Variants in MPP7 observed in about 807,000 individuals in gnomAD.
MPP7 encodes the protein MAGUK p55 scaffold protein 7, also known as MAGUK p55 subfamily member 7.
A neutral mutation model predicts 76.5 loss-of-function variants in MPP7; 60 were observed. The ratio of observed to expected loss-of-function variants is 0.78; its 90% confidence interval spans 0.64 to 0.97. The LOEUF (loss-of-function observed/expected upper bound fraction) is 0.97, where lower values mean the gene tolerates loss of function less well. MPP7 is among the 50% of genes least tolerant of loss of function. The pLI, the probability that MPP7 is intolerant of heterozygous loss-of-function variation, is 0.00. For missense variants in MPP7, 641 were observed against 694.0 expected (o/e 0.92, Z 0.86); for synonymous variants, 237 against 244.5 (o/e 0.97, Z 0.29).
Position 28,120,216 on chromosome 10 carries a change from G to C in MPP7, c.865C>G (p.Pro289Ala). ...CACCTTTCCTGGAAATGCTTTGAGG[G>C]GATCAAGCCTGCCCTGGGGTTGGCA... ...ADANPRAGLI[P>A]SKHFQERRLA... The change falls in exon 10 of 17, where the codon CCC (proline) becomes GCC (alanine). Residue 289 changes from proline (P) to alanine (A), a missense_variant. Coordinates refer to ENST00000683449, the MANE Select transcript of MPP7 (RefSeq NM_001318170.2). 1 of 1,613,830 alleles carries C rather than the reference G, an allele frequency of 6.2e-7. No individual in the cohort carries two copies. The highest frequency in any genetic ancestry group is 8.5e-7 in the Non-Finnish European group (1 of 1,179,864).
chr10:28,107,642 G>C (rs753341887), intron 11 of MPP7, among the ~76,000 whole-genome samples: 1 of 152,114 alleles, frequency 6.6e-6, no homozygotes, highest in African/African-American at 2.4e-5. Flanking sequence ...TTCTTTTGCT[G>C]TTCTCTGGAA....
intron 5 of MPP7, among the ~76,000 whole-genome samples, chr10:28,139,555 T>C (rs1375096697): frequency 2.0e-5 from 3 of 152,090 alleles, no homozygotes; most frequent in Admixed American, 2.0e-4. Context: ...AAACATCTGT[T>C]AAAGGTCCAG....
chr10:28,189,595 A>AAAAC (rs1837346212), intron 3 of MPP7, among the ~76,000 whole-genome samples: 1 of 132,332 alleles, frequency 7.6e-6, no homozygotes, highest in African/African-American at 3.0e-5. Flanking sequence ...AAAAAAAAAA[A>AAAAC]AAAACCTGTA....
At chr10:28,299,097 T>C (rs1040062095) in intron 1 of MPP7, among the ~76,000 whole-genome samples, 6 of 152,208 alleles carry the variant, frequency 3.9e-5, no homozygotes, top group African/African-American at 1.4e-4. Context: ...CATTTGGACG[T>C]TCAGCAGAGT....
intron 11 of MPP7, among the ~76,000 whole-genome samples, chr10:28,109,559 G>C (rs574220879): frequency 3.2e-4 from 49 of 152,028 alleles, no homozygotes; most frequent in African/African-American, 1.2e-3. Flanking sequence ...AAGCACACTA[G>C]GAAACCCTTT....
intron 1 of MPP7, among the ~76,000 whole-genome samples, chr10:28,267,561 G>C (rs1840185946): frequency 6.6e-6 from 1 of 152,106 alleles, no homozygotes; most frequent in South Asian, 2.1e-4. Context: ...GGTCACTAGA[G>C]CATTACAGAT....
At chr10:28,071,678 G>A (rs1377498618) in intron 12 of MPP7, among the ~76,000 whole-genome samples, 1 of 152,166 alleles carries the variant, frequency 6.6e-6, no homozygotes, top group South Asian at 2.1e-4. Flanking sequence ...AAAGCAATAT[G>A]TATTTCAATA....
At chr10:28,093,443 C>CT (rs1294264349) in intron 11 of MPP7, among the ~76,000 whole-genome samples, 7,978 of 138,542 alleles carry the variant, frequency 0.058, 255 homozygotes, top group Middle Eastern at 0.11. Context: ...TTTTACTTTC[C>CT]TTTTTTTTTT....
intron 13 of MPP7, among the ~76,000 whole-genome samples, chr10:28,063,969 G>A (rs1851894820): frequency 6.6e-6 from 1 of 152,188 alleles, no homozygotes. Context: ...GAAGCACCTG[G>A]AGCTCACATA....
At chr10:28,259,910 G>GAAGTC (rs1346012568) in intron 1 of MPP7, among the ~76,000 whole-genome samples, 1 of 151,838 alleles carries the variant, frequency 6.6e-6, no homozygotes, top group Non-Finnish European at 1.5e-5. Context: ...CTGAGTCCAG[G>GAAGTC]AAGTCAAGGC....
intron 13 of MPP7, among the ~76,000 whole-genome samples, chr10:28,062,906 G>A (rs1396508888): frequency 1.3e-5 from 2 of 152,076 alleles, no homozygotes; most frequent in Admixed American, 1.3e-4. Context: ...GAAGAAAACA[G>A]GAGAATGTCT....
chr10:28,100,314 A>C (rs535017785), intron 11 of MPP7, among the ~76,000 whole-genome samples: 1 of 152,268 alleles, frequency 6.6e-6, no homozygotes, highest in South Asian at 2.1e-4. Flanking sequence ...ATTATTATCT[A>C]AATGATGCTC....
At chr10:28,250,928 C>G (rs1839593838) in intron 1 of MPP7, among the ~76,000 whole-genome samples, 1 of 152,164 alleles carries the variant, frequency 6.6e-6, no homozygotes, top group African/African-American at 2.4e-5. Context: ...TTTTTCAAAC[C>G]TGCATATGAC....
intron 8 of MPP7, among the ~76,000 whole-genome samples, chr10:28,122,705 T>C (rs1198094296): frequency 6.6e-6 from 1 of 152,200 alleles, no homozygotes; most frequent in Admixed American, 6.5e-5. Context: ...CTGATTTTTC[T>C]GTAAATGTTT....
At chr10:28,297,733 C>T (rs1342315851) in intron 1 of MPP7, among the ~76,000 whole-genome samples, 2 of 152,202 alleles carry the variant, frequency 1.3e-5, no homozygotes, top group Non-Finnish European at 2.9e-5. Context: ...GCCACATCAA[C>T]TCACTCTGCC....
intron 12 of MPP7, among the ~76,000 whole-genome samples, chr10:28,080,157 A>G (rs1380584790): frequency 6.6e-6 from 1 of 151,936 alleles, no homozygotes; most frequent in African/African-American, 2.4e-5. Context: ...GAAGGAAGGA[A>G]AACAAAAGAA....
At chr10:28,158,814 C>T (rs1836158868) in intron 3 of MPP7, among the ~76,000 whole-genome samples, 1 of 152,202 alleles carries the variant, frequency 6.6e-6, no homozygotes, top group African/African-American at 2.4e-5. Flanking sequence ...CATTTGAGCA[C>T]TTCCACAAAG....
chr10:28,196,222 T>G (rs1289213894), intron 3 of MPP7, among the ~76,000 whole-genome samples: 1 of 152,228 alleles, frequency 6.6e-6, no homozygotes, highest in Non-Finnish European at 1.5e-5. Flanking sequence ...GGCTCATGCC[T>G]GTAATCCCAG....
At chr10:28,143,581 C>CGTGTGCTCTGTGTGTGTGTGTGTGTG (rs765475349) in intron 5 of MPP7, among the ~76,000 whole-genome samples, 4 of 151,680 alleles carry the variant, frequency 2.6e-5, no homozygotes, top group Non-Finnish European at 4.4e-5. Flanking sequence ...GTATTCCTAT[C>CGTGTGCTCTGTGTGTGTGTGTGTGTG]TTTGTGGATC....
Sources: allele counts gnomAD v4.1 joint callset (sites outside exome capture counted in the v4.1 genomes callset), GRCh38; gene constraint gnomAD v4.1.1; transcripts MANE v1.5; gene names NCBI Gene and HGNC (gene_info 2026-07-23, HGNC 2026-07-21).